Variants in SH3GL2 observed in about 807,000 individuals in gnomAD.
SH3GL2 encodes the protein endophilin-A1.
In SH3GL2, 24 loss-of-function variants were observed where a neutral mutation model predicts 46.0. The ratio of observed to expected loss-of-function variants is 0.52; its 90% CI spans 0.38 to 0.73. The LOEUF (loss-of-function observed/expected upper bound fraction) is 0.73, where lower values mean the gene tolerates loss of function less well. Ranked by LOEUF, SH3GL2 falls within the 30% of genes least tolerant of loss-of-function variation. The pLI is 0.00. For missense variants in SH3GL2, 413 were observed against 424.2 expected, an observed-to-expected ratio of 0.97 and a Z score of 0.23; for synonymous variants, 196 against 147.1, an observed-to-expected ratio of 1.33 and a Z score of -2.40.
chr9:17,725,371 C>T (rs1196431548), intron 1 of SH3GL2, among the ~76,000 whole-genome samples: 1 of 152,070 alleles, frequency 6.6e-6, no homozygotes, highest in East Asian at 1.9e-4. Context: ...TCTCAGTTTC[C>T]TTGGTCCACC....
chr9:17,700,238 C>G (rs78295587), intron 1 of SH3GL2, among the ~76,000 whole-genome samples: 10,119 of 152,246 alleles, frequency 0.066, 545 homozygotes, highest in Admixed American at 0.17. Context: ...CACTTAAATT[C>G]AGAGGATGAG....
chr9:17,683,705 A>C (rs758426597), intron 1 of SH3GL2, among the ~76,000 whole-genome samples: 5 of 152,060 alleles, frequency 3.3e-5, no homozygotes, highest in South Asian at 2.1e-4. Flanking sequence ...CTGATGGTCT[A>C]CTGCTAGGGG....
chr9:17,602,977 G>T lies in SH3GL2; in HGVS notation c.45+23690G>T, dbSNP rs575941247. ...CTTTAGGTAGCATGTTTTTACTTTA[G>T]TTGTAGCAAAGAGCCACATTTACAA... On this transcript the variant is annotated intron_variant, in intron 1 of 8. Transcript: ENST00000380607. Among the ~76,000 whole-genome samples the T allele has an allele frequency of 8.5e-5, 13 of 152,220 alleles. No individual in the cohort carries two copies. The South Asian group carries it at 2.7e-3, about 32-fold the overall frequency.
chr9:17,655,553 A>C (rs1308575542), intron 1 of SH3GL2, among the ~76,000 whole-genome samples: 1 of 152,214 alleles, frequency 6.6e-6, no homozygotes, highest in Admixed American at 6.5e-5. Flanking sequence ...AATTAAGAAT[A>C]AATTTTTGTT....
At chr9:17,787,893 A>G (rs1477687697) in intron 5 of SH3GL2, among the ~76,000 whole-genome samples, 1 of 152,196 alleles carries the variant, frequency 6.6e-6, no homozygotes, top group African/African-American at 2.4e-5. Flanking sequence ...GCTTAAATAA[A>G]TAGTTATTCT....
intron 3 of SH3GL2, among the ~76,000 whole-genome samples, chr9:17,783,538 G>C (rs1354794537): frequency 6.6e-6 from 1 of 151,968 alleles, no homozygotes; most frequent in Non-Finnish European, 1.5e-5. Context: ...GAATTAGAAA[G>C]CTCGTCAGGG....
At chr9:17,587,705 G>A (rs6475154) in intron 1 of SH3GL2, among the ~76,000 whole-genome samples, 7 of 151,806 alleles carry the variant, frequency 4.6e-5, no homozygotes, top group Non-Finnish European at 1.0e-4. Flanking sequence ...TGGTGAAGCC[G>A]CTTCTCTACT....
chr9:17,603,537 A>G lies in SH3GL2; in HGVS notation c.45+24250A>G, dbSNP rs1028186569. On this transcript the variant is annotated intron_variant, in intron 1 of 8. Coordinates refer to ENST00000380607, the MANE Select transcript of SH3GL2 (RefSeq NM_003026.5). ...AGATGGGAGAGATGGAAAGAGTTCT[A>G]GAGATGGACGGTGGTGATGGTTGCA... 5.3e-5 allele frequency among the ~76,000 whole-genome samples: 8 copies of G among 152,266 alleles called. No individual in the cohort carries two copies. In the East Asian group the frequency reaches 1.5e-3, roughly 29 times the overall value.
intron 1 of SH3GL2, among the ~76,000 whole-genome samples, chr9:17,641,052 A>G (rs1819668894): frequency 6.6e-6 from 1 of 152,186 alleles, no homozygotes; most frequent in Non-Finnish European, 1.5e-5. Context: ...AGTTGAAAAA[A>G]ATTGTTTTTT....
intron 1 of SH3GL2, among the ~76,000 whole-genome samples, chr9:17,629,429 T>C (rs749405191): frequency 1.3e-5 from 2 of 152,216 alleles, no homozygotes; most frequent in Non-Finnish European, 2.9e-5. Context: ...TGAATGGTGC[T>C]ATTAAGGTGA....
intron 1 of SH3GL2, among the ~76,000 whole-genome samples, chr9:17,588,522 T>C (rs1390160529): frequency 1.3e-5 from 2 of 152,028 alleles, no homozygotes; most frequent in Non-Finnish European, 2.9e-5. Flanking sequence ...CTGTTGTTGG[T>C]TTAAAGAGGG....
rs548911135 is a variant in SH3GL2 at position 17,608,336 on chromosome 9, C to T, written c.45+29049C>T. ...CTAAATTTTGTACTTTTAGTAGAGA[C>T]AGGGTTTCACCGTGTTAGCCGGGAT... On this transcript the variant is annotated intron_variant, in intron 1 of 8. Transcript: ENST00000380607. Among the ~76,000 whole-genome samples, 8 of 152,038 alleles carry T rather than the reference C, an allele frequency of 5.3e-5. No individual in the cohort carries two copies. The East Asian group carries it at 5.8e-4, about 11-fold the overall frequency.
At chr9:17,793,784 C>G (rs538563251) in intron 8 of SH3GL2, among the ~76,000 whole-genome samples, 13 of 152,254 alleles carry the variant, frequency 8.5e-5, no homozygotes, top group South Asian at 2.1e-4. Flanking sequence ...TTTGACCCTC[C>G]TTTGTGGTCG....
chr9:17,582,457 A>T (rs1036350605), intron 1 of SH3GL2, among the ~76,000 whole-genome samples: 1 of 152,140 alleles, frequency 6.6e-6, no homozygotes, highest in Non-Finnish European at 1.5e-5. Flanking sequence ...AAGTCATGTC[A>T]GTTTTTTTAC....
At chr9:17,772,110 G>C (rs1274144242) in intron 3 of SH3GL2, among the ~76,000 whole-genome samples, 1 of 152,118 alleles carries the variant, frequency 6.6e-6, no homozygotes, top group Non-Finnish European at 1.5e-5. Flanking sequence ...GATGCTCTGA[G>C]ACTTCACCTA....
intron 1 of SH3GL2, among the ~76,000 whole-genome samples, chr9:17,670,163 A>G (rs977483765): frequency 1.3e-5 from 2 of 152,128 alleles, no homozygotes; most frequent in African/African-American, 2.4e-5. Flanking sequence ...CATGTGCTCA[A>G]AAAGGGGAGG....
intron 3 of SH3GL2, among the ~76,000 whole-genome samples, chr9:17,777,357 T>C (rs1378748390): frequency 6.6e-6 from 1 of 152,154 alleles, no homozygotes; most frequent in Non-Finnish European, 1.5e-5. Flanking sequence ...TGCTCACAAA[T>C]ATAGTAATTC....
At chr9:17,623,512 G>A (rs1269308852) in intron 1 of SH3GL2, among the ~76,000 whole-genome samples, 2 of 152,144 alleles carry the variant, frequency 1.3e-5, no homozygotes, top group Non-Finnish European at 2.9e-5. Context: ...AGAGATTGAT[G>A]TTCTGAAAGT....
chr9:17,618,314 T>C (rs1446664605), intron 1 of SH3GL2, among the ~76,000 whole-genome samples: 1 of 152,258 alleles, frequency 6.6e-6, no homozygotes, highest in East Asian at 1.9e-4. Flanking sequence ...CAGTAGTACC[T>C]CCATTGATAT....
Sources: allele counts gnomAD v4.1 joint callset (sites outside exome capture counted in the v4.1 genomes callset), GRCh38; gene constraint gnomAD v4.1.1; transcripts MANE v1.5; gene names NCBI Gene and HGNC (gene_info 2026-07-23, HGNC 2026-07-21).